The following ACYP2 variants were observed in gnomAD, a reference collection of about 807,000 sequenced individuals.
The protein encoded by ACYP2 is acylphosphatase 2.
Under a neutral mutation model 11.2 loss-of-function variants are expected in ACYP2, and 12 were observed. The observed-to-expected ratio is 1.08, with a 90% confidence interval of 0.69 to 1.74. The LOEUF (loss-of-function observed/expected upper bound fraction) is 1.74. Among genes scored for constraint, ACYP2 ranks in the 40% most tolerant of loss-of-function variants. The probability of loss-of-function intolerance (pLI) is 0.00; values close to 1 mark genes in which losing one functional copy is unlikely to be tolerated. For missense variants in ACYP2, 134 were observed against 101.9 expected (o/e 1.31, Z -1.35); for synonymous variants, 43 against 32.2 (o/e 1.33, Z -1.13).
intron 4 of ACYP2, 147 bp downstream of exon 1, chr2:54,115,903 G>A (rs1464553141): frequency 5.4e-6 from 6 of 1,118,386 alleles, no homozygotes; most frequent in South Asian, 1.8e-5. Context: ...GCGGCGGGGA[G>A]GGAGGCGAAA....
intron 6 of ACYP2, chr2:54,142,036 T>A (rs1196398536): frequency 3.4e-5 from 14 of 414,036 alleles, no homozygotes; most frequent in Non-Finnish European, 5.1e-5. Context: ...GTTGTTGTTG[T>A]TGTTGTTGTT....
At chr2:54,138,515 A>G (rs1056976903) in intron 5 of ACYP2, 124 bp from the exon 3 acceptor site, 22 of 652,234 alleles carry the variant, frequency 3.4e-5, no homozygotes, top group Admixed American at 2.8e-4. Flanking sequence ...CATCTATACA[A>G]TTGTTGGCAT....
chr2:54,170,565 G>GT (rs56896817), intron 6 of ACYP2, among the ~76,000 whole-genome samples: 397 of 128,518 alleles, frequency 3.1e-3, no homozygotes, highest in Middle Eastern at 3.9e-3. Flanking sequence ...TCTTAAAACA[G>GT]TTTTTTTTTT....
intron 4 of ACYP2, among the ~76,000 whole-genome samples, chr2:54,121,523 A>G (rs1189041980): frequency 6.6e-6 from 1 of 152,228 alleles, no homozygotes; most frequent in Non-Finnish European, 1.5e-5. Context: ...AATATTGCTT[A>G]AAATGAAAAC....
chr2:54,132,582 C>T (rs866861091), intron 4 of ACYP2, among the ~76,000 whole-genome samples: 1 of 152,220 alleles, frequency 6.6e-6, no homozygotes, highest in African/African-American at 2.4e-5. Flanking sequence ...ATCCTCTTAA[C>T]CAGGCTTAAC....
At chr2:54,262,832 G>C (rs1687840983) in intron 6 of ACYP2, among the ~76,000 whole-genome samples, 1 of 152,028 alleles carries the variant, frequency 6.6e-6, no homozygotes, top group African/African-American at 2.4e-5. Flanking sequence ...ATATAGATTA[G>C]GTACAACTGT....
At chr2:54,169,586 A>C (rs1683143641) in intron 6 of ACYP2, among the ~76,000 whole-genome samples, 1 of 152,094 alleles carries the variant, frequency 6.6e-6, no homozygotes. Flanking sequence ...ACCTCTAGGA[A>C]TTTGATGTAA....
rs1333016190 is a variant in ACYP2 at position 53,993,184 on chromosome 2, C to T, written c.62+19374C>T. 2.0e-5 allele frequency among the ~76,000 whole-genome samples: 3 copies of T among 152,042 alleles called. 1 individual carries two copies. The highest frequency in any genetic ancestry group is 4.1e-4 in the South Asian group (2 of 4,830). On this transcript the variant is annotated intron_variant, in intron 2 of 6. Coordinates refer to ENST00000607452, the MANE Select transcript of ACYP2 (RefSeq NM_001320586.2). ...TGGCACCACTGCACTTCAGCATGGG[C>T]GACAGAGGTTGACAAGAAAAGGTTT... is the stretch of plus-strand genomic sequence containing the variant.
intron 2 of ACYP2, among the ~76,000 whole-genome samples, chr2:54,037,761 C>T (rs569506304): frequency 3.7e-4 from 56 of 152,154 alleles, no homozygotes; most frequent in African/African-American, 1.3e-3. Context: ...ATAGTAAAAT[C>T]GAAATCAGAG....
chr2:54,084,607 C>T (rs1184646223), intron 4 of ACYP2: 1 of 152,168 alleles, frequency 6.6e-6, no homozygotes, highest in Non-Finnish European at 1.5e-5. Flanking sequence ...TTATTTTTTA[C>T]TCATAAATAA....
At chr2:54,024,190 C>G (rs1474431028) in intron 2 of ACYP2, among the ~76,000 whole-genome samples, 1 of 152,028 alleles carries the variant, frequency 6.6e-6, no homozygotes, top group African/African-American at 2.4e-5. Context: ...ATGGCAAAAC[C>G]CCATCTCTAC....
At chr2:54,085,783 C>G (rs940309526) in intron 4 of ACYP2, among the ~76,000 whole-genome samples, 2 of 152,048 alleles carry the variant, frequency 1.3e-5, no homozygotes, top group African/African-American at 4.8e-5. Flanking sequence ...ATTATTTGAT[C>G]TCAGTGAAGA....
chr2:54,217,302 G>A (rs1013418667), intron 6 of ACYP2, among the ~76,000 whole-genome samples: 6 of 152,126 alleles, frequency 3.9e-5, no homozygotes, highest in African/African-American at 1.4e-4. Context: ...TGATGATACT[G>A]AAAAAATTAA....
intron 2 of ACYP2, among the ~76,000 whole-genome samples, chr2:54,003,323 G>C (rs1171234975): frequency 1.3e-5 from 2 of 151,756 alleles, no homozygotes; most frequent in African/African-American, 2.4e-5. Flanking sequence ...GCAATGGCGT[G>C]ATCTTGGCTC....
At chr2:54,087,209 A>G (rs1334529030) in intron 4 of ACYP2, among the ~76,000 whole-genome samples, 2 of 152,248 alleles carry the variant, frequency 1.3e-5, no homozygotes, top group African/African-American at 4.8e-5. Context: ...AATCCATGGG[A>G]AAGTTTGCAT....
chr2:54,148,904 A>G (rs1288624481), intron 6 of ACYP2, among the ~76,000 whole-genome samples: 1 of 152,232 alleles, frequency 6.6e-6, no homozygotes, highest in Non-Finnish European at 1.5e-5. Context: ...TTGTAGCTAT[A>G]TATTAGGTTG....
intron 6 of ACYP2, among the ~76,000 whole-genome samples, chr2:54,228,698 A>G (rs769939098): frequency 6.6e-5 from 10 of 152,174 alleles, no homozygotes; most frequent in Non-Finnish European, 1.3e-4. Context: ...TAACAAAAAA[A>G]GAGGAGAGAA....
chr2:54,041,627 G>A (rs1431559167), intron 2 of ACYP2, among the ~76,000 whole-genome samples: 1 of 152,196 alleles, frequency 6.6e-6, no homozygotes, highest in Non-Finnish European at 1.5e-5. Flanking sequence ...GGACTATGGG[G>A]AATGTTTTCT....
At chr2:54,255,871 G>A (rs1687493577) in intron 6 of ACYP2, 1 of 1,613,978 alleles carries the variant, frequency 6.2e-7, no homozygotes, top group Non-Finnish European at 8.5e-7. Flanking sequence ...GCCCTCCGCG[G>A]GTGGTGGAGT....
Sources: allele counts gnomAD v4.1 joint callset (sites outside exome capture counted in the v4.1 genomes callset), GRCh38; gene constraint gnomAD v4.1.1; transcripts MANE v1.5; gene names NCBI Gene and HGNC (gene_info 2026-07-23, HGNC 2026-07-21).